The following MFSD6 variants were observed in gnomAD, a reference collection of about 807,000 sequenced individuals.
The protein encoded by MFSD6 is major facilitator superfamily domain containing 6.
Under a neutral mutation model 56.3 loss-of-function variants are expected in MFSD6, and 26 were observed. That is an observed-to-expected ratio of 0.46 (90% CI 0.34 to 0.64). The LOEUF is 0.64. MFSD6 is among the 30% of genes least tolerant of loss of function. The pLI is 0.01. For synonymous variants in MFSD6, 331 were observed against 366.9 expected (o/e 0.90, Z 1.12); for missense variants, 750 against 986.2 (o/e 0.76, Z 3.21).
rs1205502277 is a variant in MFSD6, at chr2:190,485,375, T to C, written c.1631-3282T>C. On this transcript the variant is annotated intron_variant, in intron 4 of 7. Transcript: ENST00000392328. This position sits in a 1 kb window ranked among gnomAD's most constrained non-coding sequence, Gnocchi z 5.1. ...ATAACAAGAGGTTTGGCGTCAGCAT[T>C]AAAGTTAACCTACTACCATTTGATG... is the stretch of plus-strand genomic sequence containing the variant. 6.6e-6 allele frequency among the ~76,000 whole-genome samples: 1 copy of C among 152,210 alleles called. No individual in the cohort carries two copies. Among genetic ancestry groups the C allele is most frequent in the Non-Finnish European group, 1.5e-5 (1 of 68,022 alleles).
chr2:190,469,812 C>T lies in MFSD6; in HGVS notation c.1587C>T (p.Tyr529=). The change falls in exon 4 of 8, where the codon TAC becomes TAT. Residue 529 remains tyrosine, a synonymous_variant. Transcript: ENST00000392328. This position sits in a 1 kb window ranked among gnomAD's most constrained non-coding sequence, Gnocchi z 5.3. ...CNTARYIYIS[Y]LENAWTVLPM... ...CGGCTCGCTATATTTATATTTCCTA[C>T]CTGGAGAATGCCTGGACTGTTCTCC... 1 of 1,608,652 alleles carries T rather than the reference C, an allele frequency of 6.2e-7. No homozygotes were observed. The highest frequency in any genetic ancestry group is 1.1e-5 in the South Asian group (1 of 90,584).
rs1259963333 is a variant in MFSD6 at position 190,491,357 on chromosome 2, A to C, written c.1891+1491A>C. On this transcript the variant is annotated intron_variant, in intron 6 of 7. Coordinates refer to ENST00000392328, the MANE Select transcript of MFSD6 (RefSeq NM_017694.4). The surrounding 1 kb of genome is among the most constrained non-coding windows in gnomAD (Gnocchi z 4.2). ...TGCTCCAGAACTACTGCAGGAATAT[A>C]CCAGGAAAGCTGAGAGAATACACAG... Among the ~76,000 whole-genome samples, 1 of 152,188 alleles carries C rather than the reference A, an allele frequency of 6.6e-6. No individual in the cohort carries two copies. Among genetic ancestry groups the C allele is most frequent in the Non-Finnish European group, 1.5e-5 (1 of 68,034 alleles).
chr2:190,481,046 A>G (rs1688634657), intron 4 of MFSD6, among the ~76,000 whole-genome samples: 1 of 152,244 alleles, frequency 6.6e-6, no homozygotes, highest in Admixed American at 6.5e-5. Flanking sequence ...TAATAAAGTT[A>G]TCTTTGAGGA....
Position 190,412,793 on chromosome 2 carries a change from G to T in MFSD6, c.-175-2499G>T, listed in dbSNP as rs1331895223. On this transcript the variant is annotated intron_variant, in intron 1 of 7. Coordinates refer to ENST00000392328, the MANE Select transcript of MFSD6 (RefSeq NM_017694.4). This position sits in a 1 kb window ranked among gnomAD's most constrained non-coding sequence, Gnocchi z 4.1. ...ACGTTATCCAGTACTTAGCCCCACT[G>T]CTGGATTCAGTAACATTTGCTTTGT... 4.6e-5 allele frequency among the ~76,000 whole-genome samples: 7 copies of T among 152,180 alleles called. No homozygotes were observed. The highest frequency in any genetic ancestry group is 1.7e-4 in the African/African-American group (7 of 41,444).
At chr2:190,441,840 C>T (rs1295806055) in intron 3 of MFSD6, among the ~76,000 whole-genome samples, 1 of 152,092 alleles carries the variant, frequency 6.6e-6, no homozygotes, top group Non-Finnish European at 1.5e-5. Flanking sequence ...CTGCCCAAGG[C>T]CGTGGAGAGG....
chr2:190,475,502 A>C (rs1238830336), intron 4 of MFSD6, among the ~76,000 whole-genome samples: 5 of 152,150 alleles, frequency 3.3e-5, no homozygotes, highest in African/African-American at 1.2e-4. Context: ...TCCAACTTAT[A>C]AGGGATATGA....
intron 1 of MFSD6, among the ~76,000 whole-genome samples, chr2:190,409,382 G>T (rs769325853): frequency 2.0e-5 from 3 of 151,988 alleles, no homozygotes; most frequent in Non-Finnish European, 2.9e-5. Context: ...GATTGAATAA[G>T]CACCTCACAG....
At position 190,459,920 on chromosome 2, in the gene MFSD6, A is replaced by G. The variant is rs116209006; in HGVS notation, c.1533-9838A>G. ...TTTCTAATTCACTCTCTGACATACA[A>G]TGTGATTCTTATGCTCTGTTCTACA... On this transcript the variant is annotated intron_variant, in intron 3 of 7. Coordinates refer to ENST00000392328, the MANE Select transcript of MFSD6 (RefSeq NM_017694.4). The surrounding 1 kb of genome is among the most constrained non-coding windows in gnomAD (Gnocchi z 5.3). 7.9e-4 allele frequency among the ~76,000 whole-genome samples: 121 copies of G among 152,320 alleles called. No individual in the cohort carries two copies. The highest frequency in any genetic ancestry group is 2.9e-3 in the African/African-American group (120 of 41,578).
intron 4 of MFSD6, among the ~76,000 whole-genome samples, chr2:190,475,756 G>C (rs1269524677): frequency 2.0e-5 from 3 of 151,958 alleles, no homozygotes; most frequent in Non-Finnish European, 4.4e-5. Flanking sequence ...ATTGCCAAGT[G>C]AATCCTAAGC....
chr2:190,409,667 G>T (rs1690474268), intron 1 of MFSD6, among the ~76,000 whole-genome samples: 1 of 152,200 alleles, frequency 6.6e-6, no homozygotes, highest in Non-Finnish European at 1.5e-5. Flanking sequence ...ACTAAAATAT[G>T]TAATAAAAGG....
chr2:190,431,559 G>C lies in MFSD6; in HGVS notation c.-53-4418G>C, dbSNP rs1406243495. On this transcript the variant is annotated intron_variant, in intron 2 of 7. Transcript: ENST00000392328. The surrounding 1 kb of genome is among the most constrained non-coding windows in gnomAD (Gnocchi z 4.4). Reference sequence around the variant, plus strand: ...CTCCACCAAAAAAATACGAAAACCAGTCAGGTGTGGCGGCGCGCGCCTGCA... The same window carrying C: ...CTCCACCAAAAAAATACGAAAACCACTCAGGTGTGGCGGCGCGCGCCTGCA... Among the ~76,000 whole-genome samples the C allele has an allele frequency of 6.6e-6, 1 of 152,214 alleles. No homozygotes were observed. Among genetic ancestry groups the C allele is most frequent in the Non-Finnish European group, 1.5e-5 (1 of 68,046 alleles).
Position 190,471,838 on chromosome 2 carries a change from C to T in MFSD6, c.1630+1983C>T, listed in dbSNP as rs1559130518. Among the ~76,000 whole-genome samples, 1 of 152,198 alleles carries T rather than the reference C, an allele frequency of 6.6e-6. No homozygotes were observed. The highest frequency in any genetic ancestry group is 1.5e-5 in the Non-Finnish European group (1 of 68,034). ...CAAGTAGCCTAACTGGGAGGCACCC[C>T]CCAGTAGGGGCAGACTGATAACTCA... is the stretch of plus-strand genomic sequence containing the variant. On this transcript the variant is annotated intron_variant, in intron 4 of 7. Coordinates refer to ENST00000392328, the MANE Select transcript of MFSD6 (RefSeq NM_017694.4). This position sits in a 1 kb window ranked among gnomAD's most constrained non-coding sequence, Gnocchi z 4.7.
chr2:190,453,967 T>A (rs907150511), intron 3 of MFSD6: 4 of 152,232 alleles, frequency 2.6e-5, no homozygotes, highest in African/African-American at 9.6e-5. Context: ...GGAATATATT[T>A]CACAGAGAAG....
intron 3 of MFSD6, chr2:190,464,012 GC>G: frequency 2.0e-6 from 1 of 489,258 alleles, no homozygotes; most frequent in Non-Finnish European, 2.7e-6. Context: ...AAAAACTCCA[GC>G]CAGGTATAGC....
At chr2:190,452,651 T>G (rs1046753808) in intron 3 of MFSD6, among the ~76,000 whole-genome samples, 3 of 152,242 alleles carry the variant, frequency 2.0e-5, no homozygotes, top group African/African-American at 7.2e-5. Context: ...CCTCTTAGTC[T>G]TCCTCATTTC....
In MFSD6 at chr2:190,497,603, C is replaced by A; in HGVS notation, c.2056C>A (p.Pro686Thr). ...HQEEQEDVNK[P>T]AWGVSSSPWV... ...GGAAGAACAGGAAGATGTGAACAAA[C>A]CAGCCTGGGGAGTCAGCTCTTCTCC... The change falls in exon 7 of 8, where the codon CCA (proline) becomes ACA (threonine). Residue 686 changes from proline (P) to threonine (T), a missense_variant. Transcript: ENST00000392328. The surrounding 1 kb of genome is among the most constrained non-coding windows in gnomAD (Gnocchi z 5.2). 1 of 1,614,174 alleles carries A rather than the reference C, an allele frequency of 6.2e-7. No homozygotes were observed. The highest frequency in any genetic ancestry group is 1.1e-5 in the South Asian group (1 of 91,082).
At chr2:190,429,368 C>T (rs1018901447) in intron 2 of MFSD6, among the ~76,000 whole-genome samples, 1 of 151,596 alleles carries the variant, frequency 6.6e-6, no homozygotes, top group African/African-American at 2.4e-5. Flanking sequence ...CTCTGTCGCC[C>T]AGCCTGGAGT....
At position 190,494,741 on chromosome 2, in the gene MFSD6, AC is replaced by A. The variant is rs1206248008; in HGVS notation, c.1892-2697del. On this transcript the variant is annotated intron_variant, in intron 6 of 7. Coordinates refer to ENST00000392328, the MANE Select transcript of MFSD6 (RefSeq NM_017694.4). This position sits in a 1 kb window ranked among gnomAD's most constrained non-coding sequence, Gnocchi z 5.7. Reference sequence around the variant, plus strand: ...TTTCACCACATAAACAGAATTAAAAACAAAAATCACATGATCATCTCAGTAG... The same window carrying A: ...TTTCACCACATAAACAGAATTAAAAAAAAAATCACATGATCATCTCAGTAG... Among the ~76,000 whole-genome samples the A allele has an allele frequency of 2.6e-5, 4 of 152,212 alleles. No homozygotes were observed. Among genetic ancestry groups the A allele is most frequent in the African/African-American group, 9.6e-5 (4 of 41,454 alleles).
At position 190,418,744 on chromosome 2, in the gene MFSD6, G is replaced by T. The variant is rs1043539163; in HGVS notation, c.-54+3331G>T. On this transcript the variant is annotated intron_variant, in intron 2 of 7. Transcript: ENST00000392328. The surrounding 1 kb of genome is among the most constrained non-coding windows in gnomAD (Gnocchi z 4.1). Reference sequence around the variant, plus strand: ...TGCGCTCCAGCCTGGGTGGCAGAAGGAGCCCCTATCTAAAAAAACAAAACA... The same window carrying T: ...TGCGCTCCAGCCTGGGTGGCAGAAGTAGCCCCTATCTAAAAAAACAAAACA... 6.6e-6 allele frequency among the ~76,000 whole-genome samples: 1 copy of T among 152,180 alleles called. No individual in the cohort carries two copies. The highest frequency in any genetic ancestry group is 1.5e-5 in the Non-Finnish European group (1 of 68,040).
Sources: gnomAD v4.1 joint callset for allele counts (sites outside exome capture counted in the v4.1 genomes callset) on GRCh38, gnomAD v4.1.1 for gene constraint, Gnocchi (gnomAD v3.1) non-coding constraint, MANE v1.5 for transcripts, NCBI Gene and HGNC (gene_info 2026-07-23, HGNC 2026-07-21) for gene names.